The following NUP210 variants were observed in gnomAD, a reference collection of about 807,000 sequenced individuals.
NUP210 encodes the protein nuclear pore membrane glycoprotein 210.
A neutral mutation model predicts 196.0 loss-of-function variants in NUP210; 151 were observed. The observed-to-expected ratio is 0.77, with a 90% CI of 0.67 to 0.88. The LOEUF is 0.88. Ranked by LOEUF, NUP210 falls within the 40% of genes least tolerant of loss-of-function variation. The probability of loss-of-function intolerance (pLI) is 0.00; values close to 1 mark genes in which losing one functional copy is unlikely to be tolerated. For synonymous variants in NUP210, 1,070 were observed against 1,052.7 expected, an observed-to-expected ratio of 1.02 and a Z score of -0.32; for missense variants, 2,314 against 2,493.7, an observed-to-expected ratio of 0.93 and a Z score of 1.53.
At chr3:13,358,519 C>T (rs754026659) in intron 15 of NUP210, 124 bp from the exon 16 acceptor site, 3 of 922,164 alleles carry the variant, frequency 3.3e-6, no homozygotes, top group South Asian at 3.7e-5. Flanking sequence ...GGAGTGATGA[C>T]GATACCCATG....
intron 3 of NUP210, among the ~76,000 whole-genome samples, chr3:13,396,520 G>C (rs1275665997): frequency 6.6e-6 from 1 of 151,524 alleles, no homozygotes; most frequent in African/African-American, 2.4e-5. Context: ...GGCTAAGCCG[G>C]GTGGATCATC....
rs1488856951 is a variant in NUP210, at chr3:13,360,494, G to C, written c.1933-3C>G. 1.2e-6 allele frequency: 2 copies of C among 1,602,810 alleles called. No individual in the cohort carries two copies. Among genetic ancestry groups the C allele is most frequent in the South Asian group, 2.2e-5 (2 of 89,386 alleles). On this transcript the variant is annotated splice_polypyrimidine_tract_variant and splice_region_variant and intron_variant, in intron 14 of 39. Transcript: ENST00000254508. ...GCAACAGAGGAGGGATCCACAGCCT[G>C]GGGACAGAAGAGGCAGAAGACTTGG...
At chr3:13,406,860 C>A (rs114351753) in intron 1 of NUP210, among the ~76,000 whole-genome samples, 5,601 of 149,088 alleles carry the variant, frequency 0.038, 381 homozygotes, top group African/African-American at 0.13. Flanking sequence ...CCCCACACGG[C>A]ACACATGGCA....
chr3:13,363,276 G>C (rs960999970), intron 14 of NUP210, among the ~76,000 whole-genome samples: 2 of 152,156 alleles, frequency 1.3e-5, no homozygotes, highest in Admixed American at 1.3e-4. Flanking sequence ...CCCAGCTGGT[G>C]GGCCCGGGTC....
At chr3:13,325,754 G>GT in intron 33 of NUP210, 41 bp downstream of exon 33, 1 of 1,605,506 alleles carries the variant, frequency 6.2e-7, no homozygotes. Context: ...CCGCCTCACA[G>GT]GCCACTGAGC....
chr3:13,370,971 C>A (rs899889847), intron 13 of NUP210, among the ~76,000 whole-genome samples: 2 of 152,260 alleles, frequency 1.3e-5, no homozygotes, highest in Non-Finnish European at 2.9e-5. Context: ...TCCCAGTCCT[C>A]CACGTGCACA....
At position 13,375,762 on chromosome 3, in the gene NUP210, G is replaced by A; in HGVS notation, c.1294-121C>T. On this transcript the variant is annotated intron_variant, in intron 10 of 39. Coordinates refer to ENST00000254508, the MANE Select transcript of NUP210 (RefSeq NM_024923.4). Reference sequence around the variant, plus strand: ...TCACAAAGGTGGATTTGGGGGAAGAGTGGAGAGGAAGGTGCCAGACACCCT... The same window carrying A: ...TCACAAAGGTGGATTTGGGGGAAGAATGGAGAGGAAGGTGCCAGACACCCT... The A allele has an allele frequency of 3.7e-6, 4 of 1,084,104 alleles. No individual in the cohort carries two copies. In the South Asian group the frequency reaches 5.9e-5, roughly 16 times the overall value. The allele number at this position is 1,084,104 out of a possible 1,614,324, so 67.2% of individuals were successfully genotyped here. A position where few individuals can be genotyped will look rare whatever the true frequency, so the allele number is the denominator to read the frequency against.
chr3:13,364,372 G>A (rs1020130966), intron 14 of NUP210, among the ~76,000 whole-genome samples: 1 of 152,194 alleles, frequency 6.6e-6, no homozygotes, highest in Admixed American at 6.5e-5. Flanking sequence ...CATCTGAGAA[G>A]TGTCTGTTAT....
In NUP210 at chr3:13,333,316, G is replaced by A. The variant is rs141307282; in HGVS notation, c.3844-932C>T. Reference sequence around the variant, plus strand: ...GGCCCCTCAGGGCTGCTGCCTCCTCGGCCTCCCAGCCTGGCTCAGGGGCAA... The same window carrying A: ...GGCCCCTCAGGGCTGCTGCCTCCTCAGCCTCCCAGCCTGGCTCAGGGGCAA... On this transcript the variant is annotated intron_variant, in intron 28 of 39. Transcript: ENST00000254508. 3.7e-3 allele frequency among the ~76,000 whole-genome samples: 569 copies of A among 152,304 alleles called. 5 individuals carry two copies. Among genetic ancestry groups the A allele is most frequent in the African/African-American group, 0.013 (548 of 41,562 alleles).
chr3:13,395,130 C>T (rs1699610073), intron 3 of NUP210, among the ~76,000 whole-genome samples: 1 of 152,132 alleles, frequency 6.6e-6, no homozygotes, highest in Non-Finnish European at 1.5e-5. Flanking sequence ...GAGAGGAAAC[C>T]ATCCAGGGCT....
chr3:13,354,349 C>T (rs1698093677), intron 16 of NUP210: 2 of 537,192 alleles, frequency 3.7e-6, no homozygotes, highest in South Asian at 4.4e-5. Context: ...ACTAGGGGGC[C>T]TTCAGCAACA....
intron 26 of NUP210, chr3:13,337,165 C>G: frequency 2.5e-6 from 1 of 400,488 alleles, no homozygotes; most frequent in Non-Finnish European, 4.7e-6. Flanking sequence ...TACTCATTTC[C>G]GGAAGGAGTC....
Position 13,317,801 on chromosome 3 carries a change from G to C in NUP210, c.5564-20C>G. 1 of 1,541,856 alleles carries C rather than the reference G, an allele frequency of 6.5e-7. No homozygotes were observed. The highest frequency in any genetic ancestry group is 8.9e-7 in the Non-Finnish European group (1 of 1,123,502). On this transcript the variant is annotated intron_variant, in intron 39 of 39. Coordinates refer to ENST00000254508, the MANE Select transcript of NUP210 (RefSeq NM_024923.4). Reference sequence around the variant, plus strand: ...CGAAATCTAGGGTGGGAAGAGAGACGATGTTAGCAGCAGAGCCAGGGAAAG... The same window carrying C: ...CGAAATCTAGGGTGGGAAGAGAGACCATGTTAGCAGCAGAGCCAGGGAAAG...
At chr3:13,339,084 C>T (rs1213824824) in intron 25 of NUP210, among the ~76,000 whole-genome samples, 2 of 152,210 alleles carry the variant, frequency 1.3e-5, no homozygotes, top group Admixed American at 6.5e-5. Flanking sequence ...CAGGTTTTTA[C>T]ATCCCCAAGT....
chr3:13,326,859 G>GT (rs1696778136), intron 32 of NUP210, among the ~76,000 whole-genome samples: 1 of 152,278 alleles, frequency 6.6e-6, no homozygotes, highest in Admixed American at 6.5e-5. Context: ...ACTTGGCAGA[G>GT]CTGTTCCAGA....
intron 13 of NUP210, among the ~76,000 whole-genome samples, chr3:13,368,074 A>T (rs1698601396): frequency 8.7e-6 from 1 of 115,382 alleles, no homozygotes; most frequent in Non-Finnish European, 1.8e-5. Context: ...ATTAAATTTT[A>T]AAATTTTTAT....
In NUP210 at chr3:13,353,966, G is replaced by GCT. The variant is rs1698075434; in HGVS notation, c.2469_2470insAG (p.Pro824SerfsTer65). On this transcript the variant is annotated frameshift_variant, in exon 17 of 40. Coordinates refer to ENST00000254508, the MANE Select transcript of NUP210 (RefSeq NM_024923.4). LOFTEE classifies it high-confidence loss of function. ...TCGTCCTGGGACACCAGCTGCATGG[G>GCT]CAGCTCAGGCTCGATGCTGGCCAAC... The GCT allele has an allele frequency of 6.2e-7, 1 of 1,610,212 alleles. No individual in the cohort carries two copies. The highest frequency in any genetic ancestry group is 8.5e-7 in the Non-Finnish European group (1 of 1,178,324).
chr3:13,343,877 C>T (rs1244186665), intron 20 of NUP210, among the ~76,000 whole-genome samples: 1 of 152,202 alleles, frequency 6.6e-6, no homozygotes, highest in Non-Finnish European at 1.5e-5. Context: ...CTGGGAGTGA[C>T]CCGCAAGGCC....
In NUP210 at chr3:13,383,516, CTTTTTTTT is replaced by C. The variant is rs3032854; in HGVS notation, c.817+2751_817+2758del. Among the ~76,000 whole-genome samples the C allele has an allele frequency of 2.7e-3, 192 of 70,942 alleles. 1 individual carries two copies. Among genetic ancestry groups the C allele is most frequent in the African/African-American group, 0.011 (184 of 16,390 alleles). The allele number at this position is 70,942 out of a possible 152,430, so 46.5% of individuals were successfully genotyped here. On this transcript the variant is annotated intron_variant, in intron 6 of 39. Coordinates refer to ENST00000254508, the MANE Select transcript of NUP210 (RefSeq NM_024923.4). ...TACCTGAGCTAATTTAGAGTGAGCTCTTTTTTTTTTTTTTTTTTTTTTTTGAGACAGAG... is the reference window on the plus strand; with the variant it reads ...TACCTGAGCTAATTTAGAGTGAGCTCTTTTTTTTTTTTTTTTGAGACAGAG...
Sources: allele counts gnomAD v4.1 joint callset (sites outside exome capture counted in the v4.1 genomes callset), GRCh38; gene constraint gnomAD v4.1.1; transcripts MANE v1.5; gene names NCBI Gene and HGNC (gene_info 2026-07-23, HGNC 2026-07-21).